ASTN2: variants seen among roughly 807,000 people sequenced by gnomAD.
ASTN2 encodes the protein astrotactin 2.
Under a neutral mutation model 139.8 loss-of-function variants are expected in ASTN2, and 54 were observed. The observed-to-expected ratio is 0.39, with a 90% CI of 0.31 to 0.48. The LOEUF is 0.48. Ranked by LOEUF, ASTN2 falls within the 20% of genes least tolerant of loss-of-function variation. The pLI, the probability that ASTN2 is intolerant of heterozygous loss-of-function variation, is 0.95. For missense variants in ASTN2, 1,565 were observed against 1,725.1 expected (o/e 0.91, Z 1.64); for synonymous variants, 756 against 719.5 (o/e 1.05, Z -0.81).
At chr9:116,932,681 G>A (rs924352171) in intron 10 of ASTN2, among the ~76,000 whole-genome samples, 1 of 152,224 alleles carries the variant, frequency 6.6e-6, no homozygotes, top group Non-Finnish European at 1.5e-5. Flanking sequence ...CCATGCAGGA[G>A]CCATTCAGTT....
intron 2 of ASTN2, among the ~76,000 whole-genome samples, chr9:117,263,176 A>G (rs1281831651): frequency 6.6e-6 from 1 of 152,202 alleles, no homozygotes; most frequent in African/African-American, 2.4e-5. Context: ...GCTAAAAATA[A>G]GAAGGACTCC....
At chr9:117,330,150 C>T (rs908612463) in intron 1 of ASTN2, among the ~76,000 whole-genome samples, 1 of 152,144 alleles carries the variant, frequency 6.6e-6, no homozygotes, top group Non-Finnish European at 1.5e-5. Context: ...GCTGGAGTGC[C>T]TGAAGAAGAG....
intron 2 of ASTN2, among the ~76,000 whole-genome samples, chr9:117,272,666 T>A (rs187492234): frequency 6.6e-6 from 1 of 152,240 alleles, no homozygotes; most frequent in African/African-American, 2.4e-5. Context: ...CCCTAAATCA[T>A]CTCTCTCAAG....
intron 4 of ASTN2, among the ~76,000 whole-genome samples, chr9:117,139,673 A>G (rs1037146605): frequency 2.0e-5 from 3 of 152,230 alleles, no homozygotes; most frequent in African/African-American, 7.2e-5. Context: ...GGAATGTAAA[A>G]TAATAAGACA....
chr9:117,025,704 C>T (rs988353408), intron 6 of ASTN2, among the ~76,000 whole-genome samples: 43 of 152,212 alleles, frequency 2.8e-4, no homozygotes, highest in African/African-American at 9.9e-4. Context: ...TAATTTTACT[C>T]GCAGGACACA....
chr9:116,630,838 T>C (rs770840163), intron 17 of ASTN2, among the ~76,000 whole-genome samples: 52 of 150,674 alleles, frequency 3.5e-4, no homozygotes, highest in Admixed American at 2.4e-3. Flanking sequence ...ATCCAGAATA[T>C]ATAATAGCAA....
intron 17 of ASTN2, among the ~76,000 whole-genome samples, chr9:116,646,408 T>C (rs1404292093): frequency 1.3e-5 from 2 of 152,114 alleles, no homozygotes; most frequent in Non-Finnish European, 2.9e-5. Flanking sequence ...ATGTGGCCTG[T>C]AGAGATGATA....
intron 1 of ASTN2, among the ~76,000 whole-genome samples, chr9:117,380,120 T>A (rs1683054262): frequency 6.6e-6 from 1 of 152,070 alleles, no homozygotes; most frequent in Admixed American, 6.6e-5. Flanking sequence ...TCCATTTATG[T>A]TTTTACTCCA....
chr9:116,535,145 T>C (rs10983223), intron 19 of ASTN2, among the ~76,000 whole-genome samples: 50,131 of 152,084 alleles, frequency 0.33, 9,649 homozygotes, highest in Admixed American at 0.45. Context: ...TGATCTTTAT[T>C]GGTTTAAAGT....
chr9:116,609,328 C>CTCTCTATATATATA (rs140484650), intron 19 of ASTN2, among the ~76,000 whole-genome samples: 3 of 122,538 alleles, frequency 2.4e-5, no homozygotes, highest in Admixed American at 8.7e-5. Flanking sequence ...CTCTCTCTCT[C>CTCTCTATATATATA]TATATATATA....
At chr9:116,963,766 T>C (rs1476087337) in intron 10 of ASTN2, among the ~76,000 whole-genome samples, 1 of 152,208 alleles carries the variant, frequency 6.6e-6, no homozygotes, top group Non-Finnish European at 1.5e-5. Context: ...ATGGACTCGA[T>C]GGGCTTTTGT....
At chr9:117,393,456 A>G (rs968878166) in intron 1 of ASTN2, among the ~76,000 whole-genome samples, 1 of 152,182 alleles carries the variant, frequency 6.6e-6, no homozygotes, top group Non-Finnish European at 1.5e-5. Context: ...AAAGACAGAA[A>G]AGAGAAGAAA....
At position 116,440,679 on chromosome 9, in the gene ASTN2, G is replaced by A; in HGVS notation, c.3712C>T (p.His1238Tyr). ...VSASMLFRVQ[H>Y]HYNSHYEKFG... ...TTTTCATAGTGAGAGTTGTAGTGGT[G>A]CTGGACTCGGAACAGCATCGAGGCT... The change falls in exon 22 of 23, where the codon CAC becomes TAC. Residue 1238 changes from histidine to tyrosine, a missense_variant. Coordinates refer to ENST00000313400, the MANE Select transcript of ASTN2 (RefSeq NM_001365068.1). 1 of 1,614,190 alleles carries A rather than the reference G, an allele frequency of 6.2e-7. No individual in the cohort carries two copies. The highest frequency in any genetic ancestry group is 8.5e-7 in the Non-Finnish European group (1 of 1,180,040).
chr9:116,681,410 T>C (rs1019874115), intron 16 of ASTN2, among the ~76,000 whole-genome samples: 1 of 152,092 alleles, frequency 6.6e-6, no homozygotes, highest in African/African-American at 2.4e-5. Context: ...CCATGCTCAT[T>C]GGTAGGAAGA....
chr9:116,733,275 T>C (rs1170275696), intron 14 of ASTN2, 124 bp downstream of exon 14: 15 of 1,345,524 alleles, frequency 1.1e-5, no homozygotes, highest in Non-Finnish European at 1.4e-5. Flanking sequence ...TCCCATACCC[T>C]TCCTCATGAA....
intron 19 of ASTN2, among the ~76,000 whole-genome samples, chr9:116,591,914 A>C (rs1434906762): frequency 1.3e-5 from 2 of 152,228 alleles, no homozygotes; most frequent in African/African-American, 4.8e-5. Flanking sequence ...AATTTCAAAA[A>C]TAAATGAAGA....
intron 2 of ASTN2, among the ~76,000 whole-genome samples, chr9:117,244,049 T>A (rs1304990369): frequency 1.3e-5 from 2 of 152,118 alleles, no homozygotes; most frequent in Non-Finnish European, 2.9e-5. Flanking sequence ...GAGTGAGTTC[T>A]CATGAGATAT....
chr9:117,123,750 A>G (rs973197922), intron 4 of ASTN2, among the ~76,000 whole-genome samples: 7 of 152,016 alleles, frequency 4.6e-5, no homozygotes, highest in African/African-American at 1.7e-4. Context: ...CTGTAACTCC[A>G]CCCTTCTCCA....
At chr9:116,712,805 G>A (rs945536791) in intron 16 of ASTN2, among the ~76,000 whole-genome samples, 1 of 152,192 alleles carries the variant, frequency 6.6e-6, no homozygotes. Flanking sequence ...ACCTTTCATT[G>A]TGTGTTATAT....
Sources: allele counts gnomAD v4.1 joint callset (sites outside exome capture counted in the v4.1 genomes callset), GRCh38; gene constraint gnomAD v4.1.1; transcripts MANE v1.5; gene names NCBI Gene and HGNC (gene_info 2026-07-23, HGNC 2026-07-21).